PRKACB: variants seen among roughly 807,000 people sequenced by gnomAD.
PRKACB encodes protein kinase cAMP-activated catalytic subunit beta, also known as cAMP-dependent protein kinase catalytic subunit beta.
A neutral mutation model predicts 51.4 loss-of-function variants in PRKACB; 16 were observed. The ratio of observed to expected loss-of-function variants is 0.31; its 90% CI spans 0.21 to 0.47. The LOEUF (loss-of-function observed/expected upper bound fraction) is 0.47, where lower values mean the gene tolerates loss of function less well. Among genes scored for constraint, PRKACB ranks in the 20% least tolerant of loss-of-function variants. The pLI, the probability that PRKACB is intolerant of heterozygous loss-of-function variation, is 1.00. For missense variants in PRKACB, 309 were observed against 464.5 expected (o/e 0.67, Z 3.08); for synonymous variants, 147 against 154.4 (o/e 0.95, Z 0.35).
chr1:84,164,601 A>G lies in PRKACB; in HGVS notation c.188-14576A>G, dbSNP rs561268345. On this transcript the variant is annotated intron_variant, in intron 1 of 9. Transcript: ENST00000370685. The stretch of plus-strand genomic sequence containing the variant: ...AAAGCTACGCCTTGGATACAAGTGA[A>G]CCGATAATTCTGGTCTAATGTTGCC... 10 of 1,368,902 alleles carry G rather than the reference A, an allele frequency of 7.3e-6. No individual in the cohort carries two copies. In the South Asian group the frequency reaches 1.1e-4, roughly 15 times the overall value. The allele number at this position is 1,368,902 out of a possible 1,614,324, so 84.8% of individuals were successfully genotyped here.
At chr1:84,219,383 C>T (rs1673352377) in intron 9 of PRKACB, among the ~76,000 whole-genome samples, 1 of 151,840 alleles carries the variant, frequency 6.6e-6, no homozygotes, top group African/African-American at 2.4e-5. Context: ...CACAACCACA[C>T]CCAGCTAATT....
chr1:84,161,278 A>G (rs1336734728), intron 1 of PRKACB, among the ~76,000 whole-genome samples: 1 of 151,904 alleles, frequency 6.6e-6, no homozygotes, highest in African/African-American at 2.4e-5. Context: ...TGATATAGGC[A>G]TTCCAGCTGT....
chr1:84,185,659 T>C (rs2101033914), intron 5 of PRKACB, among the ~76,000 whole-genome samples: 1 of 152,152 alleles, frequency 6.6e-6, no homozygotes, highest in South Asian at 2.1e-4. Context: ...GTTTAGTTTT[T>C]AAAATATACA....
At chr1:84,234,046 T>C (rs1300110247) in intron 9 of PRKACB, among the ~76,000 whole-genome samples, 1 of 150,362 alleles carries the variant, frequency 6.7e-6, no homozygotes, top group Non-Finnish European at 1.5e-5. Flanking sequence ...TTTGTGGTTT[T>C]ATCTACTTTT....
chr1:84,123,387 A>G (rs770566010), intron 1 of PRKACB, among the ~76,000 whole-genome samples: 13 of 152,200 alleles, frequency 8.5e-5, no homozygotes, highest in Non-Finnish European at 1.6e-4. Context: ...ATCAGCACCA[A>G]TTCCTTATAG....
rs149174278 is a variant in PRKACB, at chr1:84,120,874, T to G, written c.46+42503T>G. 2.0e-5 allele frequency among the ~76,000 whole-genome samples: 3 copies of G among 152,212 alleles called. No individual in the cohort carries two copies. In the East Asian group the frequency reaches 5.8e-4, roughly 29 times the overall value. On this transcript the variant is annotated intron_variant, in intron 1 of 8. Transcript: ENST00000370688. ...CCTCCACCTTCTGGTTCCCAGATACTTGTTTTTTATGGTTGAAGAAACACC... is the reference window on the plus strand; with the variant it reads ...CCTCCACCTTCTGGTTCCCAGATACGTGTTTTTTATGGTTGAAGAAACACC...
intron 9 of PRKACB, among the ~76,000 whole-genome samples, chr1:84,226,236 T>C (rs1223897523): frequency 6.6e-6 from 1 of 151,254 alleles, no homozygotes; most frequent in Non-Finnish European, 1.5e-5. Context: ...TTTCTCTTCC[T>C]TTTTTGATTA....
chr1:84,115,879 CTT>C (rs1388691251), intron 1 of PRKACB, among the ~76,000 whole-genome samples: 1 of 29,098 alleles, frequency 3.4e-5, no homozygotes, highest in Non-Finnish European at 5.8e-5. Context: ...AGAAAAAACT[CTT>C]GTCTCAAAAA....
chr1:84,180,187 T>TATATATATATATATATATA lies in PRKACB; in HGVS notation c.249+950_249+968dup, dbSNP rs1553173805. On this transcript the variant is annotated intron_variant, in intron 2 of 9. Coordinates refer to ENST00000370685, the MANE Select transcript of PRKACB (RefSeq NM_182948.4). ...ACGAATGGATAAAGAAACTGTGATA[T>TATATATATATATATATATA]ATATATATATATATATATATATGTA... Among the ~76,000 whole-genome samples, 7 of 98,468 alleles carry TATATATATATATATATATA rather than the reference T, an allele frequency of 7.1e-5. 1 individual carries two copies. Among genetic ancestry groups the TATATATATATATATATATA allele is most frequent in the Non-Finnish European group, 1.3e-4 (6 of 44,982 alleles). The allele number at this position is 98,468 out of a possible 152,430, so 64.6% of individuals were successfully genotyped here.
At position 84,144,537 on chromosome 1, in the gene PRKACB, G is replaced by A. The variant is rs1341134172; in HGVS notation, c.176G>A (p.Trp59Ter). ...SLHFSEHTAL[W>*]DRSMKEFLAK... ...CATTTCTCTGAACATACTGCCTTAT[G>A]GGACAGATCAAGTAAGTTTTGTTTT... Residue 59 changes from tryptophan to a stop codon, truncating the protein, a stop_gained, in exon 1 of 10, where the codon TGG becomes TAG. Coordinates refer to ENST00000370685, the MANE Select transcript of PRKACB (RefSeq NM_182948.4). LOFTEE classifies it high-confidence loss of function. 1.3e-6 allele frequency: 2 copies of A among 1,581,886 alleles called. No individual in the cohort carries two copies. The highest frequency in any genetic ancestry group is 2.8e-5 in the African/African-American group (2 of 72,382).
chr1:84,234,786 G>T (rs907331836), intron 9 of PRKACB, among the ~76,000 whole-genome samples: 10 of 152,182 alleles, frequency 6.6e-5, no homozygotes, highest in Non-Finnish European at 8.8e-5. Context: ...CACACGGTGC[G>T]TGCACCCACT....
In PRKACB at chr1:84,197,840, C is replaced by A; in HGVS notation, c.783+16C>A. On this transcript the variant is annotated intron_variant, in intron 7 of 9. Transcript: ENST00000370685. ...TCTCAGCAAGGTATATTCATAATAT[C>A]AACACATAAGAAGTAGAAATATGAG... 1.3e-6 allele frequency: 2 copies of A among 1,541,568 alleles called. No individual in the cohort carries two copies. Among genetic ancestry groups the A allele is most frequent in the South Asian group, 2.3e-5 (2 of 88,210 alleles).
At chr1:84,222,406 T>C (rs918065727) in intron 9 of PRKACB, among the ~76,000 whole-genome samples, 1 of 152,188 alleles carries the variant, frequency 6.6e-6, no homozygotes, top group African/African-American at 2.4e-5. Context: ...AGATATCTGA[T>C]TTATTTACAT....
intron 1 of PRKACB, among the ~76,000 whole-genome samples, chr1:84,168,775 A>G (rs75574709): frequency 6.6e-6 from 1 of 151,596 alleles, no homozygotes; most frequent in Non-Finnish European, 1.5e-5. Context: ...TAAGTGGAAG[A>G]TCCAACACTG....
intron 8 of PRKACB, chr1:84,204,688 T>C (rs1671054091): frequency 9.8e-7 from 1 of 1,015,798 alleles, no homozygotes; most frequent in Non-Finnish European, 1.3e-6. Flanking sequence ...TTATAATAAT[T>C]GTTTCAAATC....
chr1:84,090,050 A>G (rs1200071079), intron 1 of PRKACB, among the ~76,000 whole-genome samples: 2 of 152,212 alleles, frequency 1.3e-5, no homozygotes, highest in Non-Finnish European at 2.9e-5. Flanking sequence ...TGCTAGAGAA[A>G]GCTGCACAGA....
intron 1 of PRKACB, among the ~76,000 whole-genome samples, chr1:84,120,624 T>G (rs1312664107): frequency 2.0e-5 from 3 of 152,134 alleles, no homozygotes; most frequent in Admixed American, 1.3e-4. Flanking sequence ...TTTAAAATTT[T>G]TTTCACTTCA....
intron 1 of PRKACB, among the ~76,000 whole-genome samples, chr1:84,086,600 C>A (rs1436092817): frequency 6.6e-6 from 1 of 152,214 alleles, no homozygotes; most frequent in Admixed American, 6.5e-5. Flanking sequence ...ATTTCTCTTT[C>A]TTGCTGCTGT....
chr1:84,086,068 G>C, intron 1 of PRKACB: 1 of 1,165,904 alleles, frequency 8.6e-7, no homozygotes, highest in Non-Finnish European at 1.3e-6. Flanking sequence ...GGAAAGTGCT[G>C]ATGGCCAAGG....
Sources: gnomAD v4.1 joint callset for allele counts (sites outside exome capture counted in the v4.1 genomes callset) on GRCh38, gnomAD v4.1.1 for gene constraint, MANE v1.5 for transcripts, NCBI Gene and HGNC (gene_info 2026-07-23, HGNC 2026-07-21) for gene names.